ACVR1C: variants seen among roughly 807,000 people sequenced by gnomAD.
ACVR1C encodes the protein activin A receptor type 1C.
A neutral mutation model predicts 57.9 loss-of-function variants in ACVR1C; 23 were observed. The ratio of observed to expected loss-of-function variants is 0.40; its 90% CI spans 0.29 to 0.56. The LOEUF (loss-of-function observed/expected upper bound fraction) is 0.56. Ranked by LOEUF, ACVR1C falls within the 20% of genes least tolerant of loss-of-function variation. ACVR1C has a pLI of 0.50. For missense variants in ACVR1C, 480 were observed against 607.9 expected (o/e 0.79, Z 2.21); for synonymous variants, 214 against 215.3 (o/e 0.99, Z 0.05).
chr2:157,602,693 C>A (rs952875342), intron 1 of ACVR1C, among the ~76,000 whole-genome samples: 1 of 152,020 alleles, frequency 6.6e-6, no homozygotes, highest in South Asian at 2.1e-4. Context: ...TAGGTTGGAA[C>A]TTGTTCACTA....
At chr2:157,584,872 T>C (rs1688879021) in intron 2 of ACVR1C, among the ~76,000 whole-genome samples, 1 of 152,178 alleles carries the variant, frequency 6.6e-6, no homozygotes, top group African/African-American at 2.4e-5. Context: ...AATTGTAATA[T>C]ATCCATAGAA....
Position 157,609,080 on chromosome 2 carries a change from T to C in ACVR1C, c.73+19492A>G, listed in dbSNP as rs74267568. ...TTGTTAGGTTATTTTAAATCAGGTGTGTTTTTTTTAGTGTGGGCATTTATC... is the reference window on the plus strand; with the variant it reads ...TTGTTAGGTTATTTTAAATCAGGTGCGTTTTTTTTAGTGTGGGCATTTATC... On this transcript the variant is annotated intron_variant, in intron 1 of 8. Coordinates refer to ENST00000243349, the MANE Select transcript of ACVR1C (RefSeq NM_145259.3). 7.2e-5 allele frequency among the ~76,000 whole-genome samples: 11 copies of C among 151,986 alleles called. No individual in the cohort carries two copies. The East Asian group carries it at 1.9e-3, about 27-fold the overall frequency.
chr2:157,555,447 TG>T (rs1172596409), intron 3 of ACVR1C, among the ~76,000 whole-genome samples: 1 of 152,212 alleles, frequency 6.6e-6, no homozygotes, highest in Non-Finnish European at 1.5e-5. Flanking sequence ...CCTGGGGTTC[TG>T]GAGTTCCATT....
chr2:157,620,297 T>G (rs1682742647), intron 1 of ACVR1C, among the ~76,000 whole-genome samples: 1 of 152,084 alleles, frequency 6.6e-6, no homozygotes. Context: ...AGATTGCAAG[T>G]AGAATTTAAG....
At chr2:157,596,229 T>C (rs909963539) in intron 1 of ACVR1C, among the ~76,000 whole-genome samples, 4 of 152,164 alleles carry the variant, frequency 2.6e-5, no homozygotes, top group Admixed American at 6.5e-5. Context: ...CAGAATAGAA[T>C]AGAAATAGAT....
chr2:157,550,343 C>T lies in ACVR1C; in HGVS notation c.594G>A (p.Gln198=). 6.2e-7 allele frequency: 1 copy of T among 1,614,150 alleles called. No homozygotes were observed. The highest frequency in any genetic ancestry group is 8.5e-7 in the Non-Finnish European group (1 of 1,180,026). The change falls in exon 4 of 9, where the codon CAG becomes CAA. Residue 198 remains glutamine (Q), a synonymous_variant. Transcript: ENST00000243349. ...CAAATCTACCTTTTCCTACTATTTCCTGAAGCACAATCGTCCTTGCAATTG... is the reference window on the plus strand; with the variant it reads ...CAAATCTACCTTTTCCTACTATTTCTTGAAGCACAATCGTCCTTGCAATTG... ...QRTIARTIVL[Q]EIVGKGRFGE...
At chr2:157,580,113 G>T (rs183633973) in intron 2 of ACVR1C, among the ~76,000 whole-genome samples, 1 of 151,292 alleles carries the variant, frequency 6.6e-6, no homozygotes, top group Non-Finnish European at 1.5e-5. Flanking sequence ...ACACACGTGC[G>T]CGTGCTATTT....
intron 2 of ACVR1C, among the ~76,000 whole-genome samples, chr2:157,562,309 T>A (rs577959539): frequency 8.3e-5 from 12 of 144,250 alleles, no homozygotes; most frequent in Middle Eastern, 3.6e-3. Flanking sequence ...AAAAAAAATA[T>A]ATATATATAT....
chr2:157,597,365 C>T, intron 1 of ACVR1C: 7 of 985,584 alleles, frequency 7.1e-6, no homozygotes, highest in Non-Finnish European at 8.4e-6. Context: ...CTTGCCTGGA[C>T]TTGCAGGTTG....
At chr2:157,575,984 G>C (rs1222430221) in intron 2 of ACVR1C, among the ~76,000 whole-genome samples, 1 of 152,066 alleles carries the variant, frequency 6.6e-6, no homozygotes, top group Admixed American at 6.6e-5. Context: ...ACATTACTTT[G>C]AAACTTGATG....
At chr2:157,554,353 G>A (rs908733860) in intron 3 of ACVR1C, among the ~76,000 whole-genome samples, 1 of 132,662 alleles carries the variant, frequency 7.5e-6, no homozygotes, top group Non-Finnish European at 1.6e-5. Flanking sequence ...AAGAAAGAAA[G>A]AGAAAGAAAG....
At position 157,628,848 on chromosome 2, in the gene ACVR1C, G is replaced by A. The variant is rs1682966600; in HGVS notation, c.-204C>T. The A allele has an allele frequency of 2.8e-6, 1 of 353,332 alleles. No homozygotes were observed. Among genetic ancestry groups the A allele is most frequent in the East Asian group, 4.4e-5 (1 of 22,838 alleles). The allele number at this position is 353,332 out of a possible 1,614,324, so 21.9% of individuals were successfully genotyped here. A position where few individuals can be genotyped will look rare whatever the true frequency, so the allele number is the denominator to read the frequency against. ...CCACGCCCCCTGCGGCTGGCGGTGC[G>A]CGGCGCTCCTGCCACTGGCCCCGCA... On this transcript the variant is annotated 5_prime_UTR_variant, in exon 1 of 9. Coordinates refer to ENST00000243349, the MANE Select transcript of ACVR1C (RefSeq NM_145259.3).
intron 7 of ACVR1C, among the ~76,000 whole-genome samples, chr2:157,539,841 T>C (rs1687579882): frequency 6.6e-6 from 1 of 152,092 alleles, no homozygotes; most frequent in Non-Finnish European, 1.5e-5. Flanking sequence ...CTATAAACAG[T>C]TGTAGATCCC....
In ACVR1C at chr2:157,550,295, C is replaced by G. The variant is rs773920029; in HGVS notation, c.642G>C (p.Trp214Cys). ...TTTTCACAGCCACATCTTCCCCACA[C>G]CATCTTCCATGCCACACCTCACCAA... ...GRFGEVWHGR[W>C]CGEDVAVKIF... The change falls in exon 4 of 9, where the codon TGG (tryptophan) becomes TGC (cysteine). Residue 214 changes from tryptophan (W) to cysteine (C), a missense_variant. By Grantham distance (215) the Trp-to-Cys change is radical. Transcript: ENST00000243349. 1.2e-6 allele frequency: 2 copies of G among 1,614,150 alleles called. No homozygotes were observed. Among genetic ancestry groups the G allele is most frequent in the African/African-American group, 1.3e-5 (1 of 75,026 alleles).
chr2:157,554,037 G>T (rs977126546), intron 3 of ACVR1C, among the ~76,000 whole-genome samples: 1 of 151,470 alleles, frequency 6.6e-6, no homozygotes, highest in Non-Finnish European at 1.5e-5. Flanking sequence ...GCAAAAATTA[G>T]CCAGGTGTAG....
chr2:157,557,098 G>A (rs980503433), intron 2 of ACVR1C, among the ~76,000 whole-genome samples: 1 of 151,588 alleles, frequency 6.6e-6, no homozygotes, highest in Non-Finnish European at 1.5e-5. Flanking sequence ...CTGTTCTTGA[G>A]TCATATATGT....
rs971231426 is a variant in ACVR1C at position 157,527,178 on chromosome 2, C to T, written c.*6740G>A. On this transcript the variant is annotated 3_prime_UTR_variant, in exon 9 of 9. Transcript: ENST00000243349. ...TCTTTGGAGTTTGAAATTCTCTTCA[C>T]CTTCCACATTTAAATTACAACTACT... 2.6e-5 allele frequency: 4 copies of T among 152,102 alleles called. No homozygotes were observed. The highest frequency in any genetic ancestry group is 9.7e-5 in the African/African-American group (4 of 41,428). 9.4% of individuals were successfully genotyped at this position (152,102 alleles called of 1,614,324 possible). A position where few individuals can be genotyped will look rare whatever the true frequency, so the allele number is the denominator to read the frequency against.
rs749875050 is a variant in ACVR1C at position 157,533,074 on chromosome 2, A to G, written c.*844T>C. The stretch of plus-strand genomic sequence containing the variant: ...CATTATGATTCTGCAAAATAACTCA[A>G]TATGCCTTCTAAACCACAAATATCA... On this transcript the variant is annotated 3_prime_UTR_variant, in exon 9 of 9. Coordinates refer to ENST00000243349, the MANE Select transcript of ACVR1C (RefSeq NM_145259.3). The G allele has an allele frequency of 6.6e-6, 1 of 152,206 alleles. No individual in the cohort carries two copies. The highest frequency in any genetic ancestry group is 1.5e-5 in the Non-Finnish European group (1 of 68,018). The allele number at this position is 152,206 out of a possible 1,614,324, so 9.4% of individuals were successfully genotyped here.
intron 1 of ACVR1C, among the ~76,000 whole-genome samples, chr2:157,619,095 T>C (rs1341507013): frequency 6.6e-6 from 1 of 151,834 alleles, no homozygotes; most frequent in African/African-American, 2.4e-5. Context: ...AAGTGGAATA[T>C]GTAGTATTTT....
Sources: gnomAD v4.1 joint callset for allele counts (sites outside exome capture counted in the v4.1 genomes callset) on GRCh38, gnomAD v4.1.1 for gene constraint, MANE v1.5 for transcripts, NCBI Gene and HGNC (gene_info 2026-07-23, HGNC 2026-07-21) for gene names.